Variants in GPR149 observed in about 807,000 individuals in gnomAD.
The protein encoded by GPR149 is G protein-coupled receptor 149.
GPR149 carries 50 observed loss-of-function variants against 50.2 expected under a neutral mutation model. That is an observed-to-expected ratio of 1.00 (90% CI 0.79 to 1.26). The LOEUF (loss-of-function observed/expected upper bound fraction) is 1.26, where lower values mean the gene tolerates loss of function less well. Among genes scored for constraint, GPR149 ranks in the 50% most tolerant of loss-of-function variants. The pLI is 0.00. For synonymous variants in GPR149, 405 were observed against 358.2 expected (o/e 1.13, Z -1.48); for missense variants, 983 against 895.4 (o/e 1.10, Z -1.25).
At chr3:154,391,964 T>C (rs1307632061) in intron 3 of GPR149, among the ~76,000 whole-genome samples, 1 of 151,654 alleles carries the variant, frequency 6.6e-6, no homozygotes, top group Non-Finnish European at 1.5e-5. Context: ...ACCAAAAAGA[T>C]ATAACAACTA....
intron 3 of GPR149, among the ~76,000 whole-genome samples, chr3:154,410,558 G>C (rs1381742847): frequency 6.6e-6 from 1 of 151,986 alleles, no homozygotes; most frequent in Non-Finnish European, 1.5e-5. Flanking sequence ...ATCAGACAAA[G>C]CAAACTGTAA....
intron 3 of GPR149, among the ~76,000 whole-genome samples, chr3:154,372,738 C>T (rs1714693272): frequency 6.6e-6 from 1 of 152,092 alleles, no homozygotes; most frequent in African/African-American, 2.4e-5. Context: ...ATTGGTATAT[C>T]AAGACATATT....
chr3:154,370,714 G>GAC (rs1227903722), intron 3 of GPR149, among the ~76,000 whole-genome samples: 4 of 152,054 alleles, frequency 2.6e-5, no homozygotes, highest in Admixed American at 2.6e-4. Context: ...CTTCCTCCTG[G>GAC]ACACTGGTGT....
intron 3 of GPR149, among the ~76,000 whole-genome samples, chr3:154,340,792 G>A (rs2108383261): frequency 6.6e-6 from 1 of 152,272 alleles, no homozygotes; most frequent in Middle Eastern, 3.4e-3. Flanking sequence ...CGCCGTCTCG[G>A]CTCACTGCAA....
intron 3 of GPR149, chr3:154,352,737 C>G: frequency 1.3e-6 from 1 of 788,724 alleles, no homozygotes; most frequent in South Asian, 1.3e-5. Context: ...AAACGGAAGT[C>G]AGAAACCTGA....
At chr3:154,377,286 A>T (rs1342338611) in intron 3 of GPR149, among the ~76,000 whole-genome samples, 1 of 150,822 alleles carries the variant, frequency 6.6e-6, no homozygotes, top group Non-Finnish European at 1.5e-5. Context: ...TTTATAAAGC[A>T]TGTCTTTGTA....
At chr3:154,402,694 A>T (rs535566253) in intron 3 of GPR149, among the ~76,000 whole-genome samples, 38 of 152,254 alleles carry the variant, frequency 2.5e-4, no homozygotes, top group Non-Finnish European at 4.6e-4. Flanking sequence ...TGCTGGACTT[A>T]CCACTCCACC....
chr3:154,353,234 A>G, intron 3 of GPR149: 7 of 1,512,106 alleles, frequency 4.6e-6, no homozygotes, highest in Non-Finnish European at 6.4e-6. Flanking sequence ...AATGACACTG[A>G]ATGGCCAAGT....
chr3:154,394,307 A>G (rs1715238558), intron 3 of GPR149, among the ~76,000 whole-genome samples: 1 of 152,110 alleles, frequency 6.6e-6, no homozygotes, highest in Non-Finnish European at 1.5e-5. Flanking sequence ...AAGAATAAAC[A>G]ATGGGGAAAG....
chr3:154,354,799 T>TTTTTAATGA, intron 3 of GPR149: 1 of 668,540 alleles, frequency 1.5e-6, no homozygotes, highest in Non-Finnish European at 2.2e-6. Flanking sequence ...TTCCCAGGCA[T>TTTTTAATGA]TACTGGCCAC....
chr3:154,385,936 C>T (rs957766697), intron 3 of GPR149, among the ~76,000 whole-genome samples: 5 of 152,140 alleles, frequency 3.3e-5, no homozygotes, highest in African/African-American at 9.6e-5. Context: ...CTTCTGACCT[C>T]GTGATCTGCC....
chr3:154,420,131 G>A (rs1462877290), intron 3 of GPR149, among the ~76,000 whole-genome samples: 1 of 151,908 alleles, frequency 6.6e-6, no homozygotes, highest in Non-Finnish European at 1.5e-5. Flanking sequence ...TGATCAATGA[G>A]TACATTACTC....
chr3:154,381,396 T>C (rs6806718), intron 3 of GPR149, among the ~76,000 whole-genome samples: 14,914 of 152,196 alleles, frequency 0.098, 827 homozygotes, highest in East Asian at 0.23. Flanking sequence ...CTTATACATG[T>C]GGCAGTTCAA....
At chr3:154,404,690 C>T (rs555291092) in intron 3 of GPR149, among the ~76,000 whole-genome samples, 8 of 152,294 alleles carry the variant, frequency 5.3e-5, no homozygotes, top group South Asian at 2.1e-4. Flanking sequence ...TGTTCACAGG[C>T]TCTGATAGAC....
At chr3:154,373,981 G>A (rs1423095987) in intron 3 of GPR149, among the ~76,000 whole-genome samples, 1 of 151,986 alleles carries the variant, frequency 6.6e-6, no homozygotes, top group Non-Finnish European at 1.5e-5. Context: ...TAACAAAAAA[G>A]GGAAAAAATA....
At position 154,428,738 on chromosome 3, in the gene GPR149, C is replaced by T; in HGVS notation, c.878G>A (p.Arg293Gln). 1.9e-6 allele frequency: 3 copies of T among 1,614,116 alleles called. No homozygotes were observed. Among genetic ancestry groups the T allele is most frequent in the South Asian group, 1.1e-5 (1 of 91,074 alleles). ...AGAEACRREN[R>Q]GTLYGTRSFT... ...GCTCCTGGTGCCATAGAGAGTCCCC[C>T]GGTTCTCACGCCTGCAGGCTTCAGC... The change falls in exon 1 of 4, where the codon CGG (arginine) becomes CAG (glutamine). Residue 293 changes from arginine to glutamine, a missense_variant. Transcript: ENST00000389740.
Position 154,428,623 on chromosome 3 carries a change from C to T in GPR149, c.981+12G>A. The T allele has an allele frequency of 2.5e-6, 4 of 1,606,236 alleles. No homozygotes were observed. Among genetic ancestry groups the T allele is most frequent in the Non-Finnish European group, 3.4e-6 (4 of 1,176,052 alleles). On this transcript the variant is annotated intron_variant, in intron 1 of 3. Coordinates refer to ENST00000389740, the MANE Select transcript of GPR149 (RefSeq NM_001038705.3). ...ACACACACTCGCGCTTTGTGAGCAA[C>T]TGCACTTTTACCATCATGGGCAGCC...
At position 154,400,284 on chromosome 3, in the gene GPR149, C is replaced by A. The variant is rs575674645; in HGVS notation, c.1623+20755G>T. ...TACAGGGGTGAGCCACCGCGCCCGGCCCTTATTTGAAATTATTTACAAATT... is the reference window on the plus strand; with the variant it reads ...TACAGGGGTGAGCCACCGCGCCCGGACCTTATTTGAAATTATTTACAAATT... On this transcript the variant is annotated intron_variant, in intron 3 of 3. Coordinates refer to ENST00000389740, the MANE Select transcript of GPR149 (RefSeq NM_001038705.3). Among the ~76,000 whole-genome samples the A allele has an allele frequency of 1.9e-3, 286 of 152,240 alleles. 1 individual carries two copies. The highest frequency in any genetic ancestry group is 6.6e-3 in the African/African-American group (274 of 41,548).
Position 154,338,157 on chromosome 3 carries a change from G to C in GPR149, c.1738C>G (p.Gln580Glu), listed in dbSNP as rs904882403. 8.1e-6 allele frequency: 13 copies of C among 1,614,050 alleles called. No individual in the cohort carries two copies. The African/African-American group carries it at 1.2e-4, about 15-fold the overall frequency. ...LSTYEVSAEG[Q>E]KITPASKKIE... ...TTCTTAGAGGCTGGAGTTATTTTTT[G>C]CCCTTCTGCGCTTACCTCATAGGTA... The change falls in exon 4 of 4, where the codon CAA (glutamine) becomes GAA (glutamate). Residue 580 changes from glutamine to glutamate, a missense_variant. Physicochemically the swap from Gln to Glu is conservative, Grantham distance 29 (BLOSUM62 2). Transcript: ENST00000389740.
Sources: allele counts gnomAD v4.1 joint callset (sites outside exome capture counted in the v4.1 genomes callset), GRCh38; gene constraint gnomAD v4.1.1; transcripts MANE v1.5; gene names NCBI Gene and HGNC (gene_info 2026-07-23, HGNC 2026-07-21).